The following FAAH2 variants were observed in gnomAD, a reference collection of about 807,000 sequenced individuals.
FAAH2 encodes fatty acid amide hydrolase 2.
Under a neutral mutation model 36.9 loss-of-function variants are expected in FAAH2, and 60 were observed. That is an observed-to-expected ratio of 1.63 (90% CI 1.32 to 2.02). The LOEUF (loss-of-function observed/expected upper bound fraction) is 2.02, where lower values mean the gene tolerates loss of function less well. FAAH2 is among the 30% of genes most tolerant of loss of function. FAAH2 has a pLI of 0.00. For missense variants in FAAH2, 689 were observed against 397.5 expected, an observed-to-expected ratio of 1.73 and a Z score of -6.23; for synonymous variants, 214 against 143.8, an observed-to-expected ratio of 1.49 and a Z score of -3.49.
the FAAH2 span, among the ~76,000 whole-genome samples, chrX:57,271,269 A>G: frequency 4.6e-4 from 52 of 112,921 alleles, no homozygotes; most frequent in South Asian, 9.4e-3. Flanking sequence ...TGCTGTGGCC[A>G]GACTGCCAGA....
chrX:57,193,711 G>A, the FAAH2 span, among the ~76,000 whole-genome samples: 3 of 111,711 alleles, frequency 2.7e-5, no homozygotes, highest in Admixed American at 9.5e-5. Flanking sequence ...ACTATCGGGG[G>A]CACATTCCCC....
At chrX:57,422,136 A>G (rs1035115152) in intron 7 of FAAH2, among the ~76,000 whole-genome samples, 3 of 111,892 alleles carry the variant, frequency 2.7e-5, no homozygotes, top group Admixed American at 1.9e-4. Context: ...GGGATGTGTT[A>G]ATTTGCTCTA....
intron 7 of FAAH2, among the ~76,000 whole-genome samples, chrX:57,407,334 G>T (rs1299968432): frequency 1.8e-5 from 2 of 111,934 alleles, no homozygotes; most frequent in Non-Finnish European, 3.8e-5. Flanking sequence ...GAGTACAACT[G>T]CAGGAGCTCA....
intron 8 of FAAH2, among the ~76,000 whole-genome samples, chrX:57,445,461 C>A (rs181130683): frequency 9.0e-6 from 1 of 111,362 alleles, no homozygotes; most frequent in East Asian, 2.8e-4. Flanking sequence ...TAGCACAGTA[C>A]GGGGTCTCAT....
At chrX:57,300,135 G>T (rs1465768647) in intron 2 of FAAH2, among the ~76,000 whole-genome samples, 1 of 111,305 alleles carries the variant, frequency 9.0e-6, no homozygotes. Context: ...CCAAAAAAGA[G>T]CCCGCATTGC....
rs754519898 is a variant in FAAH2, at chrX:57,420,424, A to G, written c.997-11494A>G. Among the ~76,000 whole-genome samples the G allele has an allele frequency of 4.2e-3, 466 of 111,530 alleles. 3 individuals carry two copies. The highest frequency in any genetic ancestry group is 0.015 in the African/African-American group (446 of 30,720). On this transcript the variant is annotated intron_variant, in intron 7 of 10. Coordinates refer to ENST00000374900, the MANE Select transcript of FAAH2 (RefSeq NM_174912.4). Reference sequence around the variant, plus strand: ...GCAGTGGTTCGTAGTTCTCCTTGAAAAAGTCCTTCACATCCCTTGTAAGTT... The same window carrying G: ...GCAGTGGTTCGTAGTTCTCCTTGAAGAAGTCCTTCACATCCCTTGTAAGTT...
intron 3 of FAAH2, among the ~76,000 whole-genome samples, chrX:57,314,376 T>C (rs1162788349): frequency 1.8e-5 from 2 of 111,002 alleles, no homozygotes; most frequent in Admixed American, 9.6e-5. Context: ...ACCTCAACAC[T>C]TGAGCAATTG....
At chrX:57,219,257 G>T in the FAAH2 span, among the ~76,000 whole-genome samples, 5 of 111,521 alleles carry the variant, frequency 4.5e-5, no homozygotes, top group South Asian at 1.6e-3. Flanking sequence ...AAGACAGCAT[G>T]TTGCTCCACA....
intron 5 of FAAH2, among the ~76,000 whole-genome samples, chrX:57,363,849 T>G (rs1046381779): frequency 1.8e-5 from 2 of 111,097 alleles, no homozygotes; most frequent in African/African-American, 6.6e-5. Flanking sequence ...GAAATCTGTT[T>G]ATGTGGTTAA....
chrX:57,446,948 T>C lies in FAAH2; in HGVS notation c.1137T>C (p.Asp379=). ...HDGKEPVKFV[D]LLGDHGKHVS... The stretch of plus-strand genomic sequence containing the variant: ...CTCAGGAACCTGTGAAATTTGTAGA[T>C]TTGCTTGGTGACCATGGGAAACATG... The change falls in exon 9 of 11, where the codon GAT becomes GAC. Residue 379 remains aspartate, a synonymous_variant. Transcript: ENST00000374900. 1 of 1,208,667 alleles carries C rather than the reference T, an allele frequency of 8.3e-7. No individual in the cohort carries two copies. The highest frequency in any genetic ancestry group is 2.2e-5 in the Admixed American group (1 of 45,686).
At chrX:57,420,704 C>T (rs901487326) in intron 7 of FAAH2, among the ~76,000 whole-genome samples, 1 of 107,653 alleles carries the variant, frequency 9.3e-6, no homozygotes, top group African/African-American at 3.4e-5. Context: ...TAATTGAATA[C>T]CCTTTATTTC....
intron 3 of FAAH2, among the ~76,000 whole-genome samples, chrX:57,317,733 G>A (rs1451633271): frequency 2.7e-5 from 3 of 111,546 alleles, no homozygotes; most frequent in African/African-American, 9.8e-5. Context: ...GCATCACATT[G>A]CACTTATTCT....
At chrX:57,205,659 T>A in the FAAH2 span, among the ~76,000 whole-genome samples, 1 of 112,262 alleles carries the variant, frequency 8.9e-6, no homozygotes. Flanking sequence ...ATAAGAAGCT[T>A]TACCATTACT....
intron 5 of FAAH2, among the ~76,000 whole-genome samples, chrX:57,358,066 T>C (rs1353102024): frequency 1.8e-5 from 2 of 111,294 alleles, no homozygotes; most frequent in Non-Finnish European, 3.8e-5. Context: ...CTACTTTTTA[T>C]TATTTCTTTC....
chrX:57,307,268 G>A (rs2052569895), intron 2 of FAAH2, among the ~76,000 whole-genome samples: 1 of 107,983 alleles, frequency 9.3e-6, no homozygotes, highest in Admixed American at 1.0e-4. Context: ...TGCTTACAAT[G>A]TTCCCGGTAC....
intron 8 of FAAH2, among the ~76,000 whole-genome samples, chrX:57,441,581 G>GT (rs377693660): frequency 0.016 from 1,613 of 103,601 alleles, 10 homozygotes; most frequent in Middle Eastern, 0.03. Flanking sequence ...TTTTTGAAGC[G>GT]TTTTTTTTTT....
chrX:57,372,530 C>A (rs1303902929), intron 5 of FAAH2, among the ~76,000 whole-genome samples: 1 of 110,097 alleles, frequency 9.1e-6, no homozygotes, highest in Non-Finnish European at 1.9e-5. Context: ...TCCAAGTTAT[C>A]CAATTGAATA....
At chrX:57,439,741 C>T (rs770483088) in intron 8 of FAAH2, among the ~76,000 whole-genome samples, 5 of 111,791 alleles carry the variant, frequency 4.5e-5, no homozygotes, top group Non-Finnish European at 7.5e-5. Flanking sequence ...TTAGGTCTAA[C>T]GTTTAAGTCT....
the FAAH2 span, among the ~76,000 whole-genome samples, chrX:57,233,476 G>A: frequency 1.8e-5 from 2 of 110,790 alleles, no homozygotes; most frequent in Admixed American, 1.9e-4. Flanking sequence ...GTAAAGGAAG[G>A]CTTAATAGAA....
Sources: allele counts gnomAD v4.1 joint callset (sites outside exome capture counted in the v4.1 genomes callset), GRCh38; gene constraint gnomAD v4.1.1; transcripts MANE v1.5; gene names NCBI Gene and HGNC (gene_info 2026-07-23, HGNC 2026-07-21).